The following UNC13B variants were observed in gnomAD, a reference collection of about 807,000 sequenced individuals.
The protein encoded by UNC13B is protein unc-13 homolog B.
A neutral mutation model predicts 211.0 loss-of-function variants in UNC13B; 144 were observed. That is an observed-to-expected ratio of 0.68 (90% confidence interval 0.60 to 0.78). The LOEUF (loss-of-function observed/expected upper bound fraction) is 0.78. UNC13B is among the 30% of genes least tolerant of loss of function. The pLI, the probability that UNC13B is intolerant of heterozygous loss-of-function variation, is 0.00. For missense variants in UNC13B, 1,777 were observed against 2,002.0 expected, an observed-to-expected ratio of 0.89 and a Z score of 2.14; for synonymous variants, 709 against 725.8, an observed-to-expected ratio of 0.98 and a Z score of 0.37.
At chr9:35,284,617 T>G (rs764026606) in intron 7 of UNC13B, among the ~76,000 whole-genome samples, 8 of 152,218 alleles carry the variant, frequency 5.3e-5, no homozygotes, top group Non-Finnish European at 1.2e-4. Flanking sequence ...TTTTTGTTAT[T>G]CTCCTATGTT....
chr9:35,255,205 G>A (rs1257729319), intron 6 of UNC13B, among the ~76,000 whole-genome samples: 8 of 148,512 alleles, frequency 5.4e-5, no homozygotes, highest in South Asian at 2.1e-4. Flanking sequence ...GATTACAGGC[G>A]TGAGCCATTG....
At chr9:35,288,627 C>G (rs1444473892) in intron 7 of UNC13B, among the ~76,000 whole-genome samples, 1 of 152,148 alleles carries the variant, frequency 6.6e-6, no homozygotes, top group South Asian at 2.1e-4. Flanking sequence ...TATCTTATGA[C>G]GGTTCTGAGC....
At chr9:35,390,119 T>G in intron 25 of UNC13B, 146 bp downstream of exon 25, 1 of 1,437,792 alleles carries the variant, frequency 7.0e-7, no homozygotes, top group Non-Finnish European at 9.4e-7. Context: ...TGTATCTGTC[T>G]GGGTAACTGT....
At chr9:35,380,327 GAACTTTT>G in intron 17 of UNC13B, 136 bp from the exon 18 acceptor site, 1 of 900,992 alleles carries the variant, frequency 1.1e-6, no homozygotes, top group South Asian at 1.8e-5. Flanking sequence ...AACTTTCTTG[GAACTTTT>G]GTACTGCTGT....
chr9:35,319,346 T>C (rs1830617319), intron 11 of UNC13B, among the ~76,000 whole-genome samples: 1 of 125,266 alleles, frequency 8.0e-6, no homozygotes, highest in Non-Finnish European at 1.6e-5. Context: ...GAGGTTGCAG[T>C]GGGCCAAGCT....
At chr9:35,220,400 T>A (rs185039648) in intron 1 of UNC13B, among the ~76,000 whole-genome samples, 1 of 151,712 alleles carries the variant, frequency 6.6e-6, no homozygotes, top group African/African-American at 2.4e-5. Context: ...AACTATATTT[T>A]TATACCCATT....
At chr9:35,202,585 T>A (rs1823376364) in intron 1 of UNC13B, among the ~76,000 whole-genome samples, 3 of 152,174 alleles carry the variant, frequency 2.0e-5, no homozygotes, top group Admixed American at 2.0e-4. Flanking sequence ...GTTGAATTGA[T>A]CCCTTTACCA....
At chr9:35,180,708 G>GT (rs1821889068) in intron 1 of UNC13B, among the ~76,000 whole-genome samples, 1 of 152,114 alleles carries the variant, frequency 6.6e-6, no homozygotes, top group Admixed American at 6.5e-5. Flanking sequence ...CTACAACAGT[G>GT]TTTTTTAAAA....
chr9:35,400,182 G>A (rs1323870012), intron 36 of UNC13B, 114 bp from the exon 37 acceptor site: 1 of 1,433,528 alleles, frequency 7.0e-7, no homozygotes. Context: ...GGTTCTGTGG[G>A]TGTTCCTGAA....
Position 35,295,930 on chromosome 9 carries a change from G to A in UNC13B, c.761G>A (p.Arg254Lys). ...DLDYPERRAI[R>K]YAQKYDTLDR... ...GATTATCCAGAGCGGCGGGCTATCA[G>A]GTGGGTATTGAGCACAAAGTACTTT... Residue 254 changes from arginine (R) to lysine (K), a missense_variant and splice_region_variant, in exon 8 of 40, where the codon AGG becomes AAG. Coordinates refer to ENST00000635942, the MANE Select transcript of UNC13B (RefSeq NM_001371189.2). 3.1e-6 allele frequency: 5 copies of A among 1,599,422 alleles called. No homozygotes were observed. Among genetic ancestry groups the A allele is most frequent in the Non-Finnish European group, 4.3e-6 (5 of 1,172,418 alleles).
chr9:35,326,022 G>A lies in UNC13B; in HGVS notation c.9414+12033G>A, dbSNP rs368310248. 4.1e-4 allele frequency among the ~76,000 whole-genome samples: 63 copies of A among 152,286 alleles called. 1 individual carries two copies. In the East Asian group the frequency reaches 4.6e-3, roughly 11 times the overall value. On this transcript the variant is annotated intron_variant, in intron 11 of 39. Coordinates refer to ENST00000635942, the MANE Select transcript of UNC13B (RefSeq NM_001371189.2). ...TGGAACCGCTAGGTCATATGGTAAC[G>A]TTGTTTAACATTTTGAGAAACCGCC...
rs1210975374 is a variant in UNC13B, at chr9:35,398,288, G to A, written c.11832G>A (p.Glu3944=). ...TGTTTGAGGCCATGGGAGGCAAGGA[G>A]GTAGGTCTTAGGGTTTGGGAGTCAC... ...EKMFEAMGGK[E]LDLEAADSLK... Residue 3944 remains glutamate (E), a splice_region_variant and synonymous_variant, in exon 31 of 40, where the codon GAG becomes GAA. Transcript: ENST00000635942. 1.9e-6 allele frequency: 3 copies of A among 1,613,688 alleles called. No homozygotes were observed.
intron 3 of UNC13B, among the ~76,000 whole-genome samples, chr9:35,234,274 T>A (rs1825370393): frequency 6.6e-6 from 1 of 151,924 alleles, no homozygotes; most frequent in Non-Finnish European, 1.5e-5. Flanking sequence ...TGCCACCATG[T>A]CTAGCTAATT....
intron 7 of UNC13B, among the ~76,000 whole-genome samples, chr9:35,278,368 G>C (rs1828293658): frequency 6.6e-6 from 1 of 152,140 alleles, no homozygotes. Context: ...TTGTTGCTGT[G>C]ATGGAAGACC....
At position 35,318,839 on chromosome 9, in the gene UNC13B, G is replaced by T. The variant is rs529724769; in HGVS notation, c.9414+4850G>T. Among the ~76,000 whole-genome samples the T allele has an allele frequency of 6.6e-5, 10 of 152,252 alleles. No individual in the cohort carries two copies. The South Asian group carries it at 2.1e-3, about 32-fold the overall frequency. On this transcript the variant is annotated intron_variant, in intron 11 of 39. Transcript: ENST00000635942. ...CCAAATTGCCATCCATTTGTCTATGGCTTAAAATAACAAGGGCTTGTTTCT... is the reference window on the plus strand; with the variant it reads ...CCAAATTGCCATCCATTTGTCTATGTCTTAAAATAACAAGGGCTTGTTTCT...
chr9:35,310,158 A>G (rs996623928), intron 9 of UNC13B, among the ~76,000 whole-genome samples: 2 of 152,244 alleles, frequency 1.3e-5, no homozygotes, highest in Non-Finnish European at 2.9e-5. Context: ...GGAATAAGTA[A>G]CAGGCCATTT....
chr9:35,367,784 T>C (rs76570904), intron 12 of UNC13B, among the ~76,000 whole-genome samples: 208 of 152,348 alleles, frequency 1.4e-3, no homozygotes, highest in African/African-American at 4.9e-3. Context: ...CCTGTGTGAT[T>C]GTACCAGAGT....
intron 1 of UNC13B, among the ~76,000 whole-genome samples, chr9:35,188,495 TAAAG>T (rs987716389): frequency 1.8e-4 from 27 of 152,326 alleles, no homozygotes; most frequent in African/African-American, 6.0e-4. Context: ...AAATATAACT[TAAAG>T]AATATCGGAC....
intron 6 of UNC13B, among the ~76,000 whole-genome samples, chr9:35,255,501 C>T (rs1826825065): frequency 6.6e-6 from 1 of 152,070 alleles, no homozygotes; most frequent in Non-Finnish European, 1.5e-5. Flanking sequence ...AATCAGTCTC[C>T]TGGAGCATTC....
Sources: gnomAD v4.1 joint callset for allele counts (sites outside exome capture counted in the v4.1 genomes callset) on GRCh38, gnomAD v4.1.1 for gene constraint, MANE v1.5 for transcripts, NCBI Gene and HGNC (gene_info 2026-07-23, HGNC 2026-07-21) for gene names.